The following PRKCE variants were observed in gnomAD, a reference collection of about 807,000 sequenced individuals.
PRKCE encodes protein kinase C epsilon type.
In PRKCE, 16 loss-of-function variants were observed where a neutral mutation model predicts 85.4. That is an observed-to-expected ratio of 0.19 (90% confidence interval 0.13 to 0.28). The LOEUF (loss-of-function observed/expected upper bound fraction) is 0.28. Among genes scored for constraint, PRKCE ranks in the 10% least tolerant of loss-of-function variants. PRKCE has a pLI of 1.00. For synonymous variants in PRKCE, 388 were observed against 371.5 expected (o/e 1.04, Z -0.51); for missense variants, 573 against 975.2 (o/e 0.59, Z 5.49).
At chr2:45,773,674 A>T (rs968803662) in intron 1 of PRKCE, among the ~76,000 whole-genome samples, 1 of 152,206 alleles carries the variant, frequency 6.6e-6, no homozygotes, top group African/African-American at 2.4e-5. Context: ...GGTGTCCCCA[A>T]GTAGGCCTTG....
At chr2:45,794,603 A>G (rs1687275930) in intron 1 of PRKCE, among the ~76,000 whole-genome samples, 1 of 152,132 alleles carries the variant, frequency 6.6e-6, no homozygotes, top group Admixed American at 6.6e-5. Flanking sequence ...CAGGAAGGGC[A>G]TGGATCTCGC....
upstream of PRKCE, chr2:45,651,314 C>A (rs961120996): frequency 6.7e-6 from 1 of 150,350 alleles, no homozygotes; most frequent in Non-Finnish European, 1.5e-5. Context: ...GCGCACCGCC[C>A]GGTGCTGGCC....
At chr2:45,856,545 C>T (rs773791800) in intron 2 of PRKCE, among the ~76,000 whole-genome samples, 6 of 152,138 alleles carry the variant, frequency 3.9e-5, no homozygotes, top group Non-Finnish European at 8.8e-5. Context: ...ATCATTTCTT[C>T]CTGTTAATAG....
intron 1 of PRKCE, among the ~76,000 whole-genome samples, chr2:45,768,187 A>C (rs1311570069): frequency 3.3e-5 from 5 of 151,822 alleles, no homozygotes; most frequent in Admixed American, 3.3e-4. Flanking sequence ...GTGATCTCTT[A>C]GGAAATTTGA....
intron 10 of PRKCE, among the ~76,000 whole-genome samples, chr2:46,040,806 G>A (rs1228555784): frequency 1.3e-5 from 2 of 152,190 alleles, no homozygotes. Flanking sequence ...GACTTACTAA[G>A]ATTTCATCTC....
chr2:46,146,028 A>G (rs956009360), intron 12 of PRKCE, among the ~76,000 whole-genome samples: 7 of 152,252 alleles, frequency 4.6e-5, no homozygotes, highest in Non-Finnish European at 7.3e-5. Context: ...AGGATGGAGC[A>G]GGAAGAGGAG....
chr2:45,663,777 C>G (rs994260863), intron 1 of PRKCE, among the ~76,000 whole-genome samples: 1 of 150,300 alleles, frequency 6.7e-6, no homozygotes, highest in Non-Finnish European at 1.5e-5. Flanking sequence ...AGCGAGACTC[C>G]GTCTCAAAAA....
Position 46,071,080 on chromosome 2 carries a change from G to T in PRKCE, c.1438-15128G>T, listed in dbSNP as rs559812935. Among the ~76,000 whole-genome samples, 9 of 152,286 alleles carry T rather than the reference G, an allele frequency of 5.9e-5. No individual in the cohort carries two copies. In the South Asian group the frequency reaches 1.9e-3, roughly 32 times the overall value. On this transcript the variant is annotated intron_variant, in intron 10 of 14. Coordinates refer to ENST00000306156, the MANE Select transcript of PRKCE (RefSeq NM_005400.3). ...TTAAGTAAACCAAATGCGTAGAGAT[G>T]CCCATGTCCTCATGGCTTTCCTGCA...
intron 2 of PRKCE, among the ~76,000 whole-genome samples, chr2:45,947,128 T>TA (rs771444059): frequency 1.2e-3 from 178 of 152,362 alleles, no homozygotes; most frequent in Non-Finnish European, 2.0e-3. Context: ...AATCGAATGT[T>TA]ATTCAGAAAT....
chr2:45,671,626 G>A (rs1311427671), intron 1 of PRKCE, among the ~76,000 whole-genome samples: 1 of 152,098 alleles, frequency 6.6e-6, no homozygotes, highest in Non-Finnish European at 1.5e-5. Context: ...TCTTAGAGAA[G>A]ATTAGGTAGG....
At chr2:45,808,082 C>G (rs1201461769) in intron 1 of PRKCE, among the ~76,000 whole-genome samples, 1 of 152,102 alleles carries the variant, frequency 6.6e-6, no homozygotes, top group Non-Finnish European at 1.5e-5. Flanking sequence ...GCATAGTGGT[C>G]ACTCCCTCTC....
intron 10 of PRKCE, among the ~76,000 whole-genome samples, chr2:46,040,182 C>A (rs2104999360): frequency 6.6e-6 from 1 of 152,256 alleles, no homozygotes; most frequent in South Asian, 2.1e-4. Context: ...ATGGTAGGTG[C>A]CTAGGGGATG....
intron 11 of PRKCE, among the ~76,000 whole-genome samples, chr2:46,133,636 T>G (rs1674680260): frequency 6.6e-6 from 1 of 152,054 alleles, no homozygotes; most frequent in Non-Finnish European, 1.5e-5. Flanking sequence ...TGACATTCAG[T>G]GAACATTGAA....
At chr2:45,727,415 C>A (rs1681170548) in intron 1 of PRKCE, among the ~76,000 whole-genome samples, 1 of 152,150 alleles carries the variant, frequency 6.6e-6, no homozygotes, top group South Asian at 2.1e-4. Context: ...GGAGAGATCA[C>A]TGGGGGCTTC....
intron 1 of PRKCE, among the ~76,000 whole-genome samples, chr2:45,762,651 A>C (rs145612278): frequency 9.8e-5 from 15 of 152,372 alleles, no homozygotes; most frequent in African/African-American, 3.4e-4. Context: ...AGACCAGCAC[A>C]TCTAGAGTTG....
chr2:46,083,733 G>A (rs1275122802), intron 10 of PRKCE, among the ~76,000 whole-genome samples: 1 of 152,210 alleles, frequency 6.6e-6, no homozygotes, highest in African/African-American at 2.4e-5. Flanking sequence ...TTCTGAACCA[G>A]ATATCTGAGT....
intron 1 of PRKCE, among the ~76,000 whole-genome samples, chr2:45,734,691 A>AT (rs35012597): frequency 6.6e-6 from 1 of 151,862 alleles, no homozygotes; most frequent in Non-Finnish European, 1.5e-5. Context: ...GTAGGGGTGG[A>AT]TTTTTTGATG....
chr2:45,743,399 C>T (rs569905436), intron 1 of PRKCE, among the ~76,000 whole-genome samples: 1 of 152,220 alleles, frequency 6.6e-6, no homozygotes, highest in African/African-American at 2.4e-5. Context: ...AATTATACCT[C>T]AATAAAGTTG....
chr2:45,746,748 C>T (rs1035000122), intron 1 of PRKCE, among the ~76,000 whole-genome samples: 2 of 152,130 alleles, frequency 1.3e-5, no homozygotes, highest in African/African-American at 4.8e-5. Flanking sequence ...ATAATTTTAC[C>T]CAGCTTTCAT....
Sources: allele counts gnomAD v4.1 joint callset (sites outside exome capture counted in the v4.1 genomes callset), GRCh38; gene constraint gnomAD v4.1.1; transcripts MANE v1.5; gene names NCBI Gene and HGNC (gene_info 2026-07-23, HGNC 2026-07-21).